SHF: variants seen among roughly 807,000 people sequenced by gnomAD.
The protein encoded by SHF is SH2 domain-containing adapter protein F.
SHF carries 30 observed loss-of-function variants against 42.4 expected under a neutral mutation model. The ratio of observed to expected loss-of-function variants is 0.71; its 90% confidence interval spans 0.53 to 0.96. The LOEUF (loss-of-function observed/expected upper bound fraction) is 0.96, where lower values mean the gene tolerates loss of function less well. Among genes scored for constraint, SHF ranks in the 40% least tolerant of loss-of-function variants. SHF has a pLI of 0.00. For synonymous variants in SHF, 264 were observed against 269.9 expected (o/e 0.98, Z 0.21); for missense variants, 598 against 634.0 (o/e 0.94, Z 0.61).
chr15:45,175,446 G>C, intron 2 of SHF, 21 bp from the exon 3 acceptor site: 1 of 1,559,528 alleles, frequency 6.4e-7, no homozygotes. Context: ...AGGGCAGGAA[G>C]GGAAAGGTGA....
rs8033431 is a variant in SHF at position 45,170,538 on chromosome 15, C to T, written c.1280+1345G>A. 6,250 of 910,788 alleles carry T rather than the reference C, an allele frequency of 6.9e-3. 359 individuals carry two copies. The African/African-American group carries it at 0.1, about 15-fold the overall frequency. The allele number at this position is 910,788 out of a possible 1,614,324, so 56.4% of individuals were successfully genotyped here. On this transcript the variant is annotated intron_variant, in intron 6 of 6. Coordinates refer to ENST00000690270, the MANE Select transcript of SHF (RefSeq NM_001394037.1). The stretch of plus-strand genomic sequence containing the variant: ...TTTGGCAAAGGTAGAAACCGAGGCT[C>T]GGAGATATTAAGTGATTTCCCTAGG...
In SHF at chr15:45,172,241, C is replaced by T. The variant is rs1447159364; in HGVS notation, c.1066G>A (p.Ala356Thr). 1.9e-6 allele frequency: 3 copies of T among 1,613,642 alleles called. No homozygotes were observed. The highest frequency in any genetic ancestry group is 1.1e-5 in the South Asian group (1 of 91,082). The change falls in exon 5 of 7, where the codon GCA becomes ACA. Residue 356 changes from alanine to threonine, a missense_variant. Ala to Thr is a moderately conservative substitution (Grantham distance 58, BLOSUM62 0). Around this residue, in one of 2 missense-constraint regions of SHF, gnomAD observed 439 missense variants for 524.6 expected, o/e 0.84. Transcript: ENST00000690270. ...GGTTTGGCTGACTTGGGGTTCCCTG[C>T]AGAGAGTCGGGGAGGTAGCCGCCCC... ...EKGRLPPRLS[A>T]GNPKSAKPLS...
Position 45,198,765 on chromosome 15 carries a change from T to C in SHF, c.303+7A>G, listed in dbSNP as rs1174778308. 5 of 1,605,588 alleles carry C rather than the reference T, an allele frequency of 3.1e-6. No individual in the cohort carries two copies. In the South Asian group the frequency reaches 3.3e-5, roughly 11 times the overall value. Reference sequence around the variant, plus strand: ...CCAGTTTGCGCGTCATTAAATGGCCTACTTACGGGGCGAGGTTCCAGCCTG... The same window carrying C: ...CCAGTTTGCGCGTCATTAAATGGCCCACTTACGGGGCGAGGTTCCAGCCTG... On this transcript the variant is annotated splice_region_variant and intron_variant, in intron 2 of 7. Transcript: ENST00000290894.
chr15:45,184,432 A>T (rs192747424), intron 1 of SHF, among the ~76,000 whole-genome samples: 1 of 152,328 alleles, frequency 6.6e-6, no homozygotes, highest in African/African-American at 2.4e-5. Flanking sequence ...TCCCCAGAAA[A>T]ATAGGAAATA....
chr15:45,189,203 AAAAAAG>A (rs1202260774), upstream of SHF, among the ~76,000 whole-genome samples: 1 of 150,608 alleles, frequency 6.6e-6, no homozygotes, highest in Non-Finnish European at 1.5e-5. Flanking sequence ...AAAAAAAAAA[AAAAAAG>A]AAAAAGAAAA....
Position 45,187,790 on chromosome 15 carries a change from G to A in SHF, c.162C>T (p.His54=), listed in dbSNP as rs1022977357. ...SGGVAKWLRE[H]LGFRGGGGGG... is the part of the protein sequence containing the mutation. ...CGCCGCCCCCCCCGCGGAAGCCCAGGTGCTCCCGGAGCCACTTGGCTACTC... is the reference window on the plus strand; with the variant it reads ...CGCCGCCCCCCCCGCGGAAGCCCAGATGCTCCCGGAGCCACTTGGCTACTC... The change falls in exon 1 of 7, where the codon CAC becomes CAT. Residue 54 remains histidine (H), a synonymous_variant. Transcript: ENST00000690270. 43 of 838,296 alleles carry A rather than the reference G, an allele frequency of 5.1e-5. No homozygotes were observed. Among genetic ancestry groups the A allele is most frequent in the Non-Finnish European group, 6.3e-5 (40 of 638,318 alleles). 51.9% of individuals were successfully genotyped at this position (838,296 alleles called of 1,614,324 possible). A position where few individuals can be genotyped will look rare whatever the true frequency, so the allele number is the denominator to read the frequency against.
intron 1 of SHF, among the ~76,000 whole-genome samples, chr15:45,179,136 C>CT (rs1897987736): frequency 6.6e-6 from 1 of 152,254 alleles, no homozygotes; most frequent in Admixed American, 6.5e-5. Context: ...GAAGGGAAGA[C>CT]TGAGTAGTCA....
Position 45,175,395 on chromosome 15 carries a change from T to C in SHF, c.671A>G (p.Gln224Arg). ...EIRGSKETAT[Q>R]PLPLYDTPYE... Reference sequence around the variant, plus strand: ...GGGTGTGTCATACAGAGGCAAGGGCTGAGTTGCTGTCTCCTTGGAGCCCCG... The same window carrying C: ...GGGTGTGTCATACAGAGGCAAGGGCCGAGTTGCTGTCTCCTTGGAGCCCCG... Residue 224 changes from glutamine to arginine, a missense_variant, in exon 3 of 7, where the codon CAG becomes CGG. This residue lies in a region of SHF where 439 missense variants were observed against 524.6 expected (regional missense o/e 0.84). Transcript: ENST00000690270. 1 of 1,592,188 alleles carries C rather than the reference T, an allele frequency of 6.3e-7. No homozygotes were observed. The highest frequency in any genetic ancestry group is 1.8e-5 in the Admixed American group (1 of 56,792).
Position 45,200,288 on chromosome 15 carries a change from G to A in SHF, c.-47+439C>T, listed in dbSNP as rs1899031407. 4.2e-5 allele frequency: 7 copies of A among 166,598 alleles called. 1 individual carries two copies. In the South Asian group the frequency reaches 9.7e-4, roughly 23 times the overall value. The allele number at this position is 166,598 out of a possible 1,614,324, so 10.3% of individuals were successfully genotyped here. ...AAAGTCCAATTTAGCCAGAGCCAGC[G>A]TAAACGTCGCTCTCAAATGTCACAA... On this transcript the variant is annotated intron_variant, in intron 1 of 7. Transcript: ENST00000290894.
In SHF at chr15:45,175,211, G is replaced by A; in HGVS notation, c.847+8C>T. 6.2e-7 allele frequency: 1 copy of A among 1,605,800 alleles called. No homozygotes were observed. The highest frequency in any genetic ancestry group is 1.1e-5 in the South Asian group (1 of 89,570). On this transcript the variant is annotated splice_region_variant and intron_variant, in intron 3 of 6. Coordinates refer to ENST00000690270, the MANE Select transcript of SHF (RefSeq NM_001394037.1). The stretch of plus-strand genomic sequence containing the variant: ...CCCAGCTGACCTGCCCTCTCCACCA[G>A]GACTCACCTGCAAAGGCTTTGGAAA...
chr15:45,188,571 A>G (rs1898595802), upstream of SHF, among the ~76,000 whole-genome samples: 2 of 152,204 alleles, frequency 1.3e-5, no homozygotes, highest in Admixed American at 6.5e-5. Context: ...CACATCACAT[A>G]CAAACAACTC....
In SHF at chr15:45,175,381, A is replaced by G; in HGVS notation, c.685T>C (p.Tyr229His). The part of the protein sequence containing the change: ...KETATQPLPL[Y>H]DTPYEPEEDG... ...TCCTCTGGCTCATAGGGTGTGTCAT[A>G]CAGAGGCAAGGGCTGAGTTGCTGTC... The change falls in exon 3 of 7, where the codon TAT becomes CAT. Residue 229 changes from tyrosine (Y) to histidine (H), a missense_variant. Transcript: ENST00000690270. 6.3e-7 allele frequency: 1 copy of G among 1,596,264 alleles called. No homozygotes were observed. The highest frequency in any genetic ancestry group is 1.3e-5 in the African/African-American group (1 of 74,650).
intron 6 of SHF, among the ~76,000 whole-genome samples, chr15:45,169,167 T>C (rs1897350959): frequency 6.6e-6 from 1 of 152,164 alleles, no homozygotes; most frequent in African/African-American, 2.4e-5. Context: ...GCTGCCTCCA[T>C]CCTGAGGTCC....
upstream of SHF, among the ~76,000 whole-genome samples, chr15:45,192,349 T>C (rs1898730415): frequency 6.7e-6 from 1 of 148,772 alleles, no homozygotes; most frequent in African/African-American, 2.5e-5. Context: ...TTTTTTTTTC[T>C]GATTCCAGAT....
chr15:45,172,010 T>A lies in SHF; in HGVS notation c.1161-8A>T, dbSNP rs560643822. The A allele has an allele frequency of 3.1e-6, 5 of 1,613,806 alleles. No homozygotes were observed. In the African/African-American group the frequency reaches 6.7e-5, roughly 22 times the overall value. On this transcript the variant is annotated splice_region_variant and splice_polypyrimidine_tract_variant and intron_variant, in intron 5 of 6. Coordinates refer to ENST00000690270, the MANE Select transcript of SHF (RefSeq NM_001394037.1). ...ATGGCCCCGTGATACCAGCTAAGGA[T>A]GAGAGAGAGGAAGGGGGGCATCTCT...
chr15:45,178,035 T>A, intron 2 of SHF, 130 bp downstream of exon 2: 1 of 1,289,044 alleles, frequency 7.8e-7, no homozygotes, highest in Non-Finnish European at 1.1e-6. Flanking sequence ...CCATCCTCCC[T>A]AAGGACCTGG....
Position 45,178,259 on chromosome 15 carries a change from A to G in SHF, c.546T>C (p.Thr182=), listed in dbSNP as rs774755096. 7.9e-5 allele frequency: 127 copies of G among 1,613,894 alleles called. No homozygotes were observed. The highest frequency in any genetic ancestry group is 1.1e-4 in the Non-Finnish European group (124 of 1,179,902). The change falls in exon 2 of 7, where the codon ACT becomes ACC. Residue 182 remains threonine (T), a synonymous_variant. Coordinates refer to ENST00000690270, the MANE Select transcript of SHF (RefSeq NM_001394037.1). ...CTGAAGCTCCTGCTGAGCCTTCGCCAGTCTCCTGAACATCAAACGGGTCCG... is the reference window on the plus strand; with the variant it reads ...CTGAAGCTCCTGCTGAGCCTTCGCCGGTCTCCTGAACATCAAACGGGTCCG... ...DYADPFDVQE[T]GEGSAGASGA... is the part of the protein sequence containing the mutation.
intron 1 of SHF, chr15:45,200,521 G>T: frequency 2.8e-6 from 1 of 358,202 alleles, no homozygotes; most frequent in Non-Finnish European, 5.5e-6. Flanking sequence ...CTTGTCGCCT[G>T]AACTCTTCTC....
rs144681212 is a variant in SHF at position 45,176,713 on chromosome 15, T to C, written c.641-1288A>G. Among the ~76,000 whole-genome samples, 636 of 152,294 alleles carry C rather than the reference T, an allele frequency of 4.2e-3. 2 individuals carry two copies. The highest frequency in any genetic ancestry group is 0.015 in the African/African-American group (607 of 41,554). Reference sequence around the variant, plus strand: ...TTCTCCAAAGCTAGTAGTTCTTTTATTGGGATCACTGACCCCAGTGAAAAT... The same window carrying C: ...TTCTCCAAAGCTAGTAGTTCTTTTACTGGGATCACTGACCCCAGTGAAAAT... On this transcript the variant is annotated intron_variant, in intron 2 of 6. Transcript: ENST00000690270.
Sources: gnomAD v4.1 joint callset for allele counts (sites outside exome capture counted in the v4.1 genomes callset) on GRCh38, gnomAD v4.1.1 for gene constraint, gnomAD v4.1.1 regional missense constraint, MANE v1.5 for transcripts, NCBI Gene and HGNC (gene_info 2026-07-23, HGNC 2026-07-21) for gene names.